Variants in C9 observed in about 807,000 individuals in gnomAD.
The protein encoded by C9 is complement component C9.
In C9, 63 loss-of-function variants were observed where a neutral mutation model predicts 65.4. The ratio of observed to expected loss-of-function variants is 0.96; its 90% CI spans 0.79 to 1.19. C9 has a LOEUF of 1.19. Among genes scored for constraint, C9 ranks in the 50% most tolerant of loss-of-function variants. The pLI, the probability that C9 is intolerant of heterozygous loss-of-function variation, is 0.00. For synonymous variants in C9, 229 were observed against 227.9 expected (o/e 1.00, Z -0.04); for missense variants, 744 against 670.1 (o/e 1.11, Z -1.22).
At chr5:39,291,842 A>G (rs992007263) in intron 9 of C9, among the ~76,000 whole-genome samples, 2 of 151,902 alleles carry the variant, frequency 1.3e-5, no homozygotes, top group African/African-American at 4.8e-5. Flanking sequence ...AGCAAAAGAA[A>G]GAATCAGTAA....
chr5:39,301,960 TATTTTG>T (rs895185466), intron 9 of C9, among the ~76,000 whole-genome samples: 1 of 152,072 alleles, frequency 6.6e-6, no homozygotes, highest in African/African-American at 2.4e-5. Context: ...GTGGTAGAAT[TATTTTG>T]ATTTTTTTTT....
At chr5:39,302,010 A>G (rs1391095610) in intron 9 of C9, among the ~76,000 whole-genome samples, 2 of 152,024 alleles carry the variant, frequency 1.3e-5, no homozygotes, top group Non-Finnish European at 2.9e-5. Context: ...CTTCAAAGGA[A>G]AGTCAAGGCC....
chr5:39,311,955 C>A (rs1320871280), intron 6 of C9, among the ~76,000 whole-genome samples: 1 of 151,984 alleles, frequency 6.6e-6, no homozygotes, highest in Non-Finnish European at 1.5e-5. Context: ...TATATAATTC[C>A]ATTTATATGA....
At chr5:39,336,014 C>T (rs1460387081) in intron 4 of C9, among the ~76,000 whole-genome samples, 1 of 152,070 alleles carries the variant, frequency 6.6e-6, no homozygotes, top group African/African-American at 2.4e-5. Flanking sequence ...TAATATTTTT[C>T]ATCTTAAGAT....
chr5:39,361,898 T>C (rs921439151), intron 1 of C9, among the ~76,000 whole-genome samples: 5 of 152,208 alleles, frequency 3.3e-5, no homozygotes, highest in African/African-American at 7.2e-5. Flanking sequence ...CTTCAAGCCA[T>C]GGGAGAGCCC....
chr5:39,298,319 T>C (rs1753221273), intron 9 of C9, among the ~76,000 whole-genome samples: 1 of 150,152 alleles, frequency 6.7e-6, no homozygotes, highest in African/African-American at 2.4e-5. Flanking sequence ...AGAATTGAAA[T>C]AGAAATTGAA....
intron 6 of C9, among the ~76,000 whole-genome samples, chr5:39,315,439 A>G (rs681140): frequency 2.0e-5 from 3 of 152,204 alleles, no homozygotes; most frequent in African/African-American, 7.2e-5. Flanking sequence ...AAGGCATTGC[A>G]ATGAATTACC....
At chr5:39,289,051 A>G (rs1753043934) in intron 9 of C9, 100 bp from the exon 10 acceptor site, 3 of 743,278 alleles carry the variant, frequency 4.0e-6, no homozygotes, top group South Asian at 1.5e-5. Context: ...CATTAATTCA[A>G]CAAAGACTTA....
intron 2 of C9, 50 bp from the exon 3 acceptor site, chr5:39,341,750 G>C: frequency 6.4e-7 from 1 of 1,574,568 alleles, no homozygotes; most frequent in Non-Finnish European, 8.7e-7. Flanking sequence ...CAAAAAAAGG[G>C]TATGGTCTAA....
At chr5:39,289,959 A>G (rs1417042036) in intron 9 of C9, among the ~76,000 whole-genome samples, 1 of 151,908 alleles carries the variant, frequency 6.6e-6, no homozygotes, top group African/African-American at 2.4e-5. Flanking sequence ...AGATGTAAAG[A>G]AAATGAAGTA....
intron 4 of C9, among the ~76,000 whole-genome samples, chr5:39,337,052 G>A (rs1443578896): frequency 6.6e-6 from 1 of 151,966 alleles, no homozygotes; most frequent in Non-Finnish European, 1.5e-5. Flanking sequence ...CTCTTAAAAA[G>A]TAAGAAGTAA....
intron 1 of C9, among the ~76,000 whole-genome samples, chr5:39,354,183 C>T (rs1017610028): frequency 5.9e-5 from 9 of 152,172 alleles, no homozygotes; most frequent in Non-Finnish European, 1.2e-4. Flanking sequence ...TAGTGCATAT[C>T]TGAAACCACA....
At chr5:39,338,784 G>A (rs1349823862) in intron 4 of C9, among the ~76,000 whole-genome samples, 8 of 152,188 alleles carry the variant, frequency 5.3e-5, no homozygotes, top group Non-Finnish European at 7.3e-5. Flanking sequence ...CTGTGGTAAA[G>A]CGTGAGGTAT....
At chr5:39,340,794 A>G (rs536791726) in intron 4 of C9, among the ~76,000 whole-genome samples, 1 of 152,332 alleles carries the variant, frequency 6.6e-6, no homozygotes, top group Non-Finnish European at 1.5e-5. Flanking sequence ...TAGATCTCGT[A>G]TTGGAAATTC....
intron 5 of C9, among the ~76,000 whole-genome samples, chr5:39,321,177 G>C (rs1038449095): frequency 1.3e-5 from 2 of 151,966 alleles, no homozygotes; most frequent in African/African-American, 4.8e-5. Flanking sequence ...TATATCTGTA[G>C]TATGAAAATT....
rs532969330 is a variant in C9 at position 39,334,484 on chromosome 5, G to A, written c.477-2670C>T. Among the ~76,000 whole-genome samples, 115 of 146,828 alleles carry A rather than the reference G, an allele frequency of 7.8e-4. 4 individuals carry two copies. The highest frequency in any genetic ancestry group is 2.3e-3 in the African/African-American group (85 of 36,686). On this transcript the variant is annotated intron_variant, in intron 4 of 10. Coordinates refer to ENST00000263408, the MANE Select transcript of C9 (RefSeq NM_001737.5). ...ACACCCCATCTGGGAAGTGAGGAGC[G>A]TCTCTGCCAGGCAGCCACCCCGTCC...
rs530470859 is a variant in C9, at chr5:39,339,183, C to T, written c.476+1963G>A. Among the ~76,000 whole-genome samples, 66 of 152,206 alleles carry T rather than the reference C, an allele frequency of 4.3e-4. 1 individual carries two copies. In the South Asian group the frequency reaches 0.013, roughly 30 times the overall value. ...GGAAAACTCCCATGCCATTTACTGC[C>T]TAAAATTTACTAAGAGGGCCTGCAG... On this transcript the variant is annotated intron_variant, in intron 4 of 10. Coordinates refer to ENST00000263408, the MANE Select transcript of C9 (RefSeq NM_001737.5).
rs1457346509 is a variant in C9, at chr5:39,341,225, C to T, written c.397G>A (p.Asp133Asn). Reference sequence around the variant, plus strand: ...GGGGGACGGGGCTCACTTTCACAATCATCCTCATCTGAAAAGTCTCCGCAG... The same window carrying T: ...GGGGGACGGGGCTCACTTTCACAATTATCCTCATCTGAAAAGTCTCCGCAG... ...NDCGDFSDED[D>N]CESEPRPPCR... The change falls in exon 4 of 11, where the codon GAT becomes AAT. Residue 133 changes from aspartate (D) to asparagine (N), a missense_variant. Transcript: ENST00000263408. The T allele has an allele frequency of 6.2e-7, 1 of 1,614,204 alleles. No individual in the cohort carries two copies. Among genetic ancestry groups the T allele is most frequent in the Admixed American group, 1.7e-5 (1 of 60,036 alleles).
intron 4 of C9, among the ~76,000 whole-genome samples, chr5:39,339,116 T>A (rs1754020635): frequency 6.6e-6 from 1 of 152,124 alleles, no homozygotes; most frequent in Non-Finnish European, 1.5e-5. Context: ...ATAAAAAGAA[T>A]CAGGACCATT....
Sources: allele counts gnomAD v4.1 joint callset (sites outside exome capture counted in the v4.1 genomes callset), GRCh38; gene constraint gnomAD v4.1.1; transcripts MANE v1.5; gene names NCBI Gene and HGNC (gene_info 2026-07-23, HGNC 2026-07-21).